Variants in PLEKHA5 observed in about 807,000 individuals in gnomAD.
PLEKHA5 encodes pleckstrin homology domain-containing family A member 5.
Under a neutral mutation model 181.9 loss-of-function variants are expected in PLEKHA5, and 55 were observed. The observed-to-expected ratio is 0.30, with a 90% CI of 0.24 to 0.38. The LOEUF is 0.38. PLEKHA5 is among the 10% of genes least tolerant of loss of function. The pLI, the probability that PLEKHA5 is intolerant of heterozygous loss-of-function variation, is 1.00. For synonymous variants in PLEKHA5, 535 were observed against 529.4 expected, an observed-to-expected ratio of 1.01 and a Z score of -0.15; for missense variants, 1,432 against 1,549.5, an observed-to-expected ratio of 0.92 and a Z score of 1.27.
At chr12:19,278,536 A>G (rs554819899) in intron 11 of PLEKHA5, among the ~76,000 whole-genome samples, 4 of 152,174 alleles carry the variant, frequency 2.6e-5, no homozygotes, top group South Asian at 2.1e-4. Flanking sequence ...TGAATGACCA[A>G]ACAAACCAAG....
intron 11 of PLEKHA5, among the ~76,000 whole-genome samples, chr12:19,281,213 T>G (rs566287385): frequency 5.1e-4 from 75 of 145,866 alleles, no homozygotes; most frequent in African/African-American, 1.9e-3. Flanking sequence ...GGTGACAGAG[T>G]GAGAATCCAT....
chr12:19,353,909 C>T lies in PLEKHA5; in HGVS notation c.3045C>T (p.Val1015=). The change falls in exon 26 of 32, where the codon GTC becomes GTT. Residue 1015 remains valine, a synonymous_variant. Coordinates refer to ENST00000429027, the MANE Select transcript of PLEKHA5 (RefSeq NM_001256470.2). ...VKGSHFPVGV[V]PPRAKSPTPE... ...GTTCCCACTTTCCTGTTGGAGTAGT[C>T]CCTCCAAGAGCAAAATCACCAACAC... 1.3e-6 allele frequency: 2 copies of T among 1,597,112 alleles called. No homozygotes were observed. Among genetic ancestry groups the T allele is most frequent in the Non-Finnish European group, 1.7e-6 (2 of 1,164,774 alleles).
intron 15 of PLEKHA5, among the ~76,000 whole-genome samples, chr12:19,294,336 C>T (rs2079217559): frequency 6.6e-6 from 1 of 152,042 alleles, no homozygotes; most frequent in South Asian, 2.1e-4. Flanking sequence ...CTGCCAGTAG[C>T]GTAACATTTT....
chr12:19,296,780 AAGC>A (rs1056903236), intron 15 of PLEKHA5, among the ~76,000 whole-genome samples: 19 of 152,158 alleles, frequency 1.2e-4, no homozygotes, highest in Non-Finnish European at 1.8e-4. Context: ...TGAAGACAGG[AAGC>A]AGTCAAAAAC....
intron 3 of PLEKHA5, among the ~76,000 whole-genome samples, chr12:19,235,477 A>G (rs2061275071): frequency 6.6e-6 from 1 of 152,240 alleles, no homozygotes. Flanking sequence ...AATGTCAGTC[A>G]GCATTTAATT....
intron 20 of PLEKHA5, among the ~76,000 whole-genome samples, chr12:19,333,250 A>T (rs1265470996): frequency 6.6e-6 from 1 of 151,682 alleles, no homozygotes; most frequent in Non-Finnish European, 1.5e-5. Context: ...GCACCGTTAC[A>T]CTCCAGCCTG....
chr12:19,303,025 G>T lies in PLEKHA5; in HGVS notation c.2037+11328G>T, dbSNP rs192251007. On this transcript the variant is annotated intron_variant, in intron 15 of 31. Transcript: ENST00000429027. The stretch of plus-strand genomic sequence containing the variant: ...CAACCTCCATTTCCCGGGTTCAACT[G>T]ATTCTCCTGTCTCAGCCTCCTGAGT... Among the ~76,000 whole-genome samples the T allele has an allele frequency of 2.2e-3, 295 of 136,074 alleles. 1 individual carries two copies. The highest frequency in any genetic ancestry group is 7.6e-3 in the African/African-American group (279 of 36,848). 89.3% of individuals were successfully genotyped at this position (136,074 alleles called of 152,430 possible).
At chr12:19,349,668 AGGCCGAGGT>A (rs923889618) in intron 25 of PLEKHA5, among the ~76,000 whole-genome samples, 2 of 151,604 alleles carry the variant, frequency 1.3e-5, no homozygotes, top group Non-Finnish European at 2.9e-5. Flanking sequence ...GCACTTCAGG[AGGCCGAGGT>A]GGGCGGATCA....
intron 20 of PLEKHA5, among the ~76,000 whole-genome samples, chr12:19,324,269 G>A (rs140734576): frequency 6.8e-4 from 104 of 152,254 alleles, no homozygotes; most frequent in African/African-American, 2.4e-3. Context: ...TAAAATCACT[G>A]AAAACTTAGT....
intron 21 of PLEKHA5, 149 bp downstream of exon 21, chr12:19,336,765 T>A: frequency 1.8e-6 from 1 of 567,874 alleles, no homozygotes; most frequent in South Asian, 2.0e-5. Flanking sequence ...GACAGGAATC[T>A]TACTATCTCA....
intron 3 of PLEKHA5, among the ~76,000 whole-genome samples, chr12:19,242,397 C>T (rs1459562220): frequency 2.0e-5 from 3 of 150,856 alleles, no homozygotes; most frequent in Admixed American, 6.6e-5. Context: ...CGCCACTGCA[C>T]ACCTGGCTAA....
intron 25 of PLEKHA5, among the ~76,000 whole-genome samples, chr12:19,352,097 AG>A (rs1319925087): frequency 3.3e-5 from 5 of 150,226 alleles, no homozygotes; most frequent in African/African-American, 4.9e-5. Flanking sequence ...AAAAAAAAAA[AG>A]ACTGGCTGGG....
intron 15 of PLEKHA5, chr12:19,306,641 G>T: frequency 8.3e-7 from 1 of 1,204,894 alleles, no homozygotes; most frequent in Non-Finnish European, 1.2e-6. Context: ...CGGCGGCATC[G>T]AGGTAATAGG....
chr12:19,309,053 C>G (rs973219350), intron 15 of PLEKHA5, among the ~76,000 whole-genome samples: 1 of 151,670 alleles, frequency 6.6e-6, no homozygotes, highest in African/African-American at 2.4e-5. Flanking sequence ...CAGAGCAAGA[C>G]TCCATCTCAA....
At chr12:19,334,976 T>G (rs2093287282) in intron 20 of PLEKHA5, among the ~76,000 whole-genome samples, 1 of 115,098 alleles carries the variant, frequency 8.7e-6, no homozygotes, top group Non-Finnish European at 1.7e-5. Context: ...TAAGATTTTT[T>G]TTTTATGAAA....
At chr12:19,224,746 A>T (rs1393205777) in intron 3 of PLEKHA5, among the ~76,000 whole-genome samples, 1 of 152,224 alleles carries the variant, frequency 6.6e-6, no homozygotes, top group Non-Finnish European at 1.5e-5. Flanking sequence ...ACATTTCATT[A>T]CATAATGATA....
At chr12:19,218,370 TA>T (rs780866199) in intron 3 of PLEKHA5, among the ~76,000 whole-genome samples, 9 of 152,192 alleles carry the variant, frequency 5.9e-5, no homozygotes, top group Non-Finnish European at 1.3e-4. Context: ...CCCTGTAATT[TA>T]AAAAAGTCAA....
intron 3 of PLEKHA5, among the ~76,000 whole-genome samples, chr12:19,241,023 G>A (rs1218227645): frequency 6.6e-6 from 1 of 151,964 alleles, no homozygotes; most frequent in East Asian, 1.9e-4. Flanking sequence ...TTTAACCTTG[G>A]ATCACATTAT....
chr12:19,130,147 AC>A lies in PLEKHA5; in HGVS notation c.169+18del. 2 of 1,517,168 alleles carry A rather than the reference AC, an allele frequency of 1.3e-6. No homozygotes were observed. Among genetic ancestry groups the A allele is most frequent in the Non-Finnish European group, 1.8e-6 (2 of 1,123,050 alleles). 94.0% of individuals were successfully genotyped at this position (1,517,168 alleles called of 1,614,324 possible). A position where few individuals can be genotyped will look rare whatever the true frequency, so the allele number is the denominator to read the frequency against. ...AGAGCACAGGTAACGCCGGGCCCAA[AC>A]GGAGTTGGGCTCCGCCTGGAGGAGG... is the stretch of plus-strand genomic sequence containing the variant. On this transcript the variant is annotated intron_variant, in intron 2 of 31. Coordinates refer to ENST00000429027, the MANE Select transcript of PLEKHA5 (RefSeq NM_001256470.2). The surrounding 1 kb of genome is among the most constrained non-coding windows in gnomAD (Gnocchi z 4.5).
Sources: allele counts gnomAD v4.1 joint callset (sites outside exome capture counted in the v4.1 genomes callset), GRCh38; gene constraint gnomAD v4.1.1; non-coding constraint Gnocchi (gnomAD v3.1); transcripts MANE v1.5; gene names NCBI Gene and HGNC (gene_info 2026-07-23, HGNC 2026-07-21).